The following BNC2 variants were observed in gnomAD, a reference collection of about 807,000 sequenced individuals.
BNC2 encodes basonuclin zinc finger protein 2, also known as zinc finger protein basonuclin-2.
Under a neutral mutation model 76.3 loss-of-function variants are expected in BNC2, and 20 were observed. The ratio of observed to expected loss-of-function variants is 0.26; its 90% CI spans 0.18 to 0.38. The LOEUF (loss-of-function observed/expected upper bound fraction) is 0.38, where lower values mean the gene tolerates loss of function less well. Among genes scored for constraint, BNC2 ranks in the 10% least tolerant of loss-of-function variants. The pLI is 1.00. For synonymous variants in BNC2, 582 were observed against 514.8 expected (o/e 1.13, Z -1.77); for missense variants, 1,382 against 1,399.8 (o/e 0.99, Z 0.20).
At chr9:16,863,814 A>G (rs1315011025) in intron 1 of BNC2, among the ~76,000 whole-genome samples, 1 of 152,224 alleles carries the variant, frequency 6.6e-6, no homozygotes, top group East Asian at 1.9e-4. Flanking sequence ...ACATATTTGA[A>G]AAGTTATTGG....
At chr9:16,867,472 A>C (rs1213631553) in intron 1 of BNC2, 1 of 152,160 alleles carries the variant, frequency 6.6e-6, no homozygotes, top group African/African-American at 2.4e-5. Flanking sequence ...TCAACTGGCA[A>C]ATCATCTCAA....
chr9:16,865,738 T>C (rs969099121), intron 1 of BNC2, among the ~76,000 whole-genome samples: 1 of 152,182 alleles, frequency 6.6e-6, no homozygotes, highest in African/African-American at 2.4e-5. Flanking sequence ...AAAAAAGTTA[T>C]GACGATAGCA....
intron 1 of BNC2, among the ~76,000 whole-genome samples, chr9:16,750,116 G>T (rs1825144587): frequency 6.6e-6 from 1 of 152,168 alleles, no homozygotes; most frequent in Non-Finnish European, 1.5e-5. Flanking sequence ...TAACAATTTA[G>T]AGTTTTGTTT....
intron 1 of BNC2, among the ~76,000 whole-genome samples, chr9:16,757,069 T>C (rs569897385): frequency 5.9e-5 from 3 of 50,804 alleles, no homozygotes; most frequent in African/African-American, 1.1e-4. Context: ...CCAACACTAG[T>C]AATTACTTAA....
At position 16,552,168 on chromosome 9, in the gene BNC2, G is replaced by A. The variant is rs192469120; in HGVS notation, c.669+362C>T. On this transcript the variant is annotated intron_variant, in intron 5 of 6. Coordinates refer to ENST00000380672, the MANE Select transcript of BNC2 (RefSeq NM_017637.6). ...AAAGCCCTAATAAACCCAAATGAAG[G>A]GTAATCTCAGATTTTCACACACCCA... Among the ~76,000 whole-genome samples, 14 of 152,086 alleles carry A rather than the reference G, an allele frequency of 9.2e-5. No individual in the cohort carries two copies. In the East Asian group the frequency reaches 1.4e-3, roughly 15 times the overall value.
intron 3 of BNC2, among the ~76,000 whole-genome samples, chr9:16,653,306 C>T (rs1018310019): frequency 2.6e-5 from 4 of 152,106 alleles, no homozygotes; most frequent in African/African-American, 7.2e-5. Context: ...GGGAAACACA[C>T]GCACTCACAA....
chr9:16,739,917 A>G (rs1292400470), intron 1 of BNC2, among the ~76,000 whole-genome samples: 1 of 152,214 alleles, frequency 6.6e-6, no homozygotes, highest in South Asian at 2.1e-4. Context: ...TGGGGGGAAC[A>G]GCAGATCATG....
chr9:16,449,878 G>A (rs1821305647), intron 5 of BNC2, among the ~76,000 whole-genome samples: 1 of 151,654 alleles, frequency 6.6e-6, no homozygotes, highest in Non-Finnish European at 1.5e-5. Context: ...ATGCCAATAT[G>A]ATGACCTGAA....
At chr9:16,861,158 A>G (rs1202569919) in intron 1 of BNC2, among the ~76,000 whole-genome samples, 1 of 142,720 alleles carries the variant, frequency 7.0e-6, no homozygotes, top group Non-Finnish European at 1.5e-5. Flanking sequence ...GCTGGGCAAC[A>G]TGGTAATACC....
intron 3 of BNC2, among the ~76,000 whole-genome samples, chr9:16,636,011 G>A (rs1167771583): frequency 6.6e-6 from 1 of 152,072 alleles, no homozygotes; most frequent in Non-Finnish European, 1.5e-5. Context: ...TCAGAAACTG[G>A]AAACAATTTA....
intron 4 of BNC2, 50 bp from the exon 5 acceptor site, chr9:16,552,815 T>C (rs760656195): frequency 8.3e-6 from 12 of 1,446,842 alleles, no homozygotes; most frequent in Non-Finnish European, 3.9e-6. Flanking sequence ...GGGAATAAGA[T>C]AAAGAGAGAG....
intron 3 of BNC2, among the ~76,000 whole-genome samples, chr9:16,715,085 G>A (rs1823959182): frequency 6.6e-6 from 1 of 152,034 alleles, no homozygotes; most frequent in African/African-American, 2.4e-5. Context: ...AAAGATTCAG[G>A]GCCAAGAATC....
Position 16,418,873 on chromosome 9 carries a change from G to GCACAAACA in BNC2, c.*115_*116insTGTTTGTG, listed in dbSNP as rs1820646553. Reference sequence around the variant, plus strand: ...ATGTAGCCACAGAGCATACATAAATGCACACACACACACACACACACACAC... The same window carrying GCACAAACA: ...ATGTAGCCACAGAGCATACATAAATGCACAAACACACACACACACACACACACACACAC... On this transcript the variant is annotated 3_prime_UTR_variant, in exon 7 of 7. Coordinates refer to ENST00000380672, the MANE Select transcript of BNC2 (RefSeq NM_017637.6). The GCACAAACA allele has an allele frequency of 1.1e-5, 10 of 881,000 alleles. No homozygotes were observed. The South Asian group carries it at 1.5e-4, about 13-fold the overall frequency. 54.6% of individuals were successfully genotyped at this position (881,000 alleles called of 1,614,324 possible).
intron 3 of BNC2, among the ~76,000 whole-genome samples, chr9:16,709,882 GT>G (rs771647305): frequency 2.0e-4 from 31 of 152,124 alleles, no homozygotes; most frequent in Non-Finnish European, 4.3e-4. Flanking sequence ...TTAAGATTAT[GT>G]CTTCAAAGAT....
At position 16,435,562 on chromosome 9, in the gene BNC2, G is replaced by C; in HGVS notation, c.2632C>G (p.Arg878Gly). The part of the protein sequence containing the change: ...CNAAFPSRRS[R>G]DRHSANINLH... Reference sequence around the variant, plus strand: ...CAATGGAGATTTACTGACCTGTCTCGGCTTCGGCGAGAGGGGAATGCAGCA... The same window carrying C: ...CAATGGAGATTTACTGACCTGTCTCCGCTTCGGCGAGAGGGGAATGCAGCA... The change falls in exon 6 of 7, where the codon CGA becomes GGA. Residue 878 changes from arginine to glycine, a missense_variant. Physicochemically the swap from Arg to Gly is moderately radical, Grantham distance 125 (BLOSUM62 -2). Around this residue, in one of 3 missense-constraint regions of BNC2, gnomAD observed 798 missense variants for 775.5 expected, o/e 1.03. Transcript: ENST00000380672. The C allele has an allele frequency of 6.2e-7, 1 of 1,613,836 alleles. No homozygotes were observed. Among genetic ancestry groups the C allele is most frequent in the Non-Finnish European group, 8.5e-7 (1 of 1,180,014 alleles).
At chr9:16,521,430 A>G (rs989809111) in intron 5 of BNC2, among the ~76,000 whole-genome samples, 45 of 152,238 alleles carry the variant, frequency 3.0e-4, no homozygotes, top group African/African-American at 1.1e-3. Flanking sequence ...TCAGTGCTTT[A>G]TGATATAACG....
intron 4 of BNC2, among the ~76,000 whole-genome samples, chr9:16,565,806 CA>C (rs567073225): frequency 0.015 from 1,774 of 120,564 alleles, 32 homozygotes; most frequent in African/African-American, 0.043. Flanking sequence ...AGCCCCATCT[CA>C]AAAAAAAAAA....
At chr9:16,639,525 C>A (rs183130292) in intron 3 of BNC2, among the ~76,000 whole-genome samples, 3 of 152,070 alleles carry the variant, frequency 2.0e-5, no homozygotes, top group Admixed American at 6.5e-5. Context: ...AGTGCCTCTT[C>A]GTTAATTCTC....
intron 3 of BNC2, among the ~76,000 whole-genome samples, chr9:16,622,997 G>C (rs1820904593): frequency 6.6e-6 from 1 of 152,116 alleles, no homozygotes; most frequent in South Asian, 2.1e-4. Context: ...GAATCAGTTT[G>C]CTGTCTGAAT....
Sources: gnomAD v4.1 joint callset for allele counts (sites outside exome capture counted in the v4.1 genomes callset) on GRCh38, gnomAD v4.1.1 for gene constraint, gnomAD v4.1.1 regional missense constraint, MANE v1.5 for transcripts, NCBI Gene and HGNC (gene_info 2026-07-23, HGNC 2026-07-21) for gene names.